Variants in RARB observed in about 807,000 individuals in gnomAD.
The protein encoded by RARB is HBV-activated protein.
A neutral mutation model predicts 51.9 loss-of-function variants in RARB; 17 were observed. That is an observed-to-expected ratio of 0.33 (90% CI 0.22 to 0.49). The LOEUF (loss-of-function observed/expected upper bound fraction) is 0.49. Among genes scored for constraint, RARB ranks in the 20% least tolerant of loss-of-function variants. RARB has a pLI of 0.99. For missense variants in RARB, 369 were observed against 550.8 expected (o/e 0.67, Z 3.30); for synonymous variants, 215 against 195.4 (o/e 1.10, Z -0.84).
intron 2 of RARB, among the ~76,000 whole-genome samples, chr3:24,975,816 A>G (rs1346550317): frequency 6.6e-6 from 1 of 152,126 alleles, no homozygotes; most frequent in Non-Finnish European, 1.5e-5. Context: ...CACGTGCACA[A>G]CGTGCAGGTT....
chr3:25,332,414 A>G (rs6792022), intron 5 of RARB, among the ~76,000 whole-genome samples: 15,150 of 152,236 alleles, frequency 0.1, 842 homozygotes, highest in South Asian at 0.18. Context: ...AACAGAACCA[A>G]TGACAAAAAC....
chr3:25,502,154 G>A (rs757696673), intron 3 of RARB, among the ~76,000 whole-genome samples: 12 of 152,190 alleles, frequency 7.9e-5, no homozygotes, highest in Admixed American at 1.3e-4. Context: ...TGGTGATGGC[G>A]TGCTGTGCAC....
At chr3:25,081,602 TATATATATATATATATA>T (rs1559459462) in intron 3 of RARB, among the ~76,000 whole-genome samples, 1 of 18,570 alleles carries the variant, frequency 5.4e-5, no homozygotes, top group Non-Finnish European at 9.9e-5. Context: ...TATATATATA[TATATATATATATATATA>T]TATTTTTTTT....
Position 25,202,055 on chromosome 3 carries a change from G to T in RARB, c.178+27480G>T, listed in dbSNP as rs184732116. Among the ~76,000 whole-genome samples, 691 of 152,258 alleles carry T rather than the reference G, an allele frequency of 4.5e-3. 8 individuals are homozygous for T. Among genetic ancestry groups the T allele is most frequent in the African/African-American group, 0.016 (647 of 41,542 alleles). ...CCTGGTGGAATTCAGCTGTGAATCT[G>T]TCTGGTCCTGGACTTTTTTTGGTTG... On this transcript the variant is annotated intron_variant, in intron 5 of 11. Coordinates refer to the RARB transcript ENST00000383772.
intron 5 of RARB, among the ~76,000 whole-genome samples, chr3:25,293,912 G>A (rs1703853024): frequency 6.6e-6 from 1 of 152,128 alleles, no homozygotes; most frequent in Admixed American, 6.6e-5. Context: ...TCGTAACTGG[G>A]AGTGGCTACT....
intron 5 of RARB, among the ~76,000 whole-genome samples, chr3:25,210,570 C>G (rs1310596266): frequency 6.9e-5 from 3 of 43,682 alleles, no homozygotes; most frequent in Non-Finnish European, 1.1e-4. Context: ...GAGTCTCACT[C>G]TGTTGCCCAG....
chr3:25,090,439 C>T (rs975424722), intron 3 of RARB, among the ~76,000 whole-genome samples: 11 of 152,192 alleles, frequency 7.2e-5, no homozygotes, highest in African/African-American at 2.6e-4. Flanking sequence ...CAATATATAA[C>T]TTCCAAACTT....
rs191838467 is a variant in RARB, at chr3:25,369,504, T to C, written c.179-91689T>C. On this transcript the variant is annotated intron_variant, in intron 5 of 11. Transcript: ENST00000383772. ...AGTGGGTACCTTCATTCCAGTCCCA[T>C]GGCAAAGAAATATTTGGCAGTATTT... 2.5e-3 allele frequency among the ~76,000 whole-genome samples: 380 copies of C among 152,334 alleles called. 8 individuals carry two copies. The highest frequency in any genetic ancestry group is 7.5e-4 in the Non-Finnish European group (51 of 68,034).
At chr3:25,207,985 C>A (rs1160941341) in intron 5 of RARB, among the ~76,000 whole-genome samples, 1 of 151,200 alleles carries the variant, frequency 6.6e-6, no homozygotes, top group Non-Finnish European at 1.5e-5. Flanking sequence ...CAGGAGCAAG[C>A]ATGTCACATG....
chr3:25,241,835 G>T (rs1290844539), intron 5 of RARB, among the ~76,000 whole-genome samples: 1 of 152,194 alleles, frequency 6.6e-6, no homozygotes, highest in African/African-American at 2.4e-5. Flanking sequence ...CCAGTAATGG[G>T]ATTGCTAGGT....
intron 4 of RARB, among the ~76,000 whole-genome samples, chr3:25,171,643 T>TAAAAAAAGA (rs1700648105): frequency 2.2e-5 from 1 of 45,462 alleles, no homozygotes; most frequent in African/African-American, 8.2e-5. Flanking sequence ...CCCTGGTTGG[T>TAAAAAAAGA]AAAAAAAAAA....
intron 5 of RARB, among the ~76,000 whole-genome samples, chr3:25,205,228 C>T (rs896342315): frequency 1.3e-5 from 2 of 152,286 alleles, no homozygotes; most frequent in African/African-American, 2.4e-5. Context: ...CTGAGCCAGG[C>T]GCGGGATATA....
At chr3:24,913,527 CTTAT>C (rs1363597710) in intron 2 of RARB, among the ~76,000 whole-genome samples, 2 of 150,046 alleles carry the variant, frequency 1.3e-5, no homozygotes, top group African/African-American at 2.4e-5. Flanking sequence ...TGTGTGTTAA[CTTAT>C]TTCTGTAACA....
At chr3:25,451,104 AAAAC>A (rs930095275) in intron 1 of RARB, among the ~76,000 whole-genome samples, 1 of 152,202 alleles carries the variant, frequency 6.6e-6, no homozygotes, top group African/African-American at 2.4e-5. Context: ...TCTCAGAAAA[AAAAC>A]AAAAAAAACC....
At chr3:25,076,031 G>C (rs1486346145) in intron 3 of RARB, among the ~76,000 whole-genome samples, 1 of 152,020 alleles carries the variant, frequency 6.6e-6, no homozygotes, top group Non-Finnish European at 1.5e-5. Flanking sequence ...TTATTGCTTT[G>C]CAATCTCAAA....
chr3:25,262,130 A>C (rs1211609188), intron 5 of RARB, among the ~76,000 whole-genome samples: 1 of 152,178 alleles, frequency 6.6e-6, no homozygotes, highest in Non-Finnish European at 1.5e-5. Flanking sequence ...CTGTCTATGC[A>C]GTCTCATTTT....
At chr3:25,175,965 T>C (rs1046306186) in intron 5 of RARB, among the ~76,000 whole-genome samples, 2 of 152,212 alleles carry the variant, frequency 1.3e-5, no homozygotes, top group East Asian at 1.9e-4. Flanking sequence ...TCACTCAATA[T>C]GCAAATGATA....
At chr3:25,521,926 T>TAG (rs1698417549) in intron 3 of RARB, among the ~76,000 whole-genome samples, 1 of 152,144 alleles carries the variant, frequency 6.6e-6, no homozygotes, top group South Asian at 2.1e-4. Context: ...CCAAATACAG[T>TAG]AGAGAGAGAG....
At position 25,301,593 on chromosome 3, in the gene RARB, G is replaced by A. The variant is rs117869936; in HGVS notation, c.178+127018G>A. On this transcript the variant is annotated intron_variant, in intron 5 of 11. Coordinates refer to the RARB transcript ENST00000383772. ...GCATTTTGTATGGAGGTGGGCCTGGGTGTTGATTCTGGCAGGTGTTCCATC... is the reference window on the plus strand; with the variant it reads ...GCATTTTGTATGGAGGTGGGCCTGGATGTTGATTCTGGCAGGTGTTCCATC... 2.8e-3 allele frequency among the ~76,000 whole-genome samples: 423 copies of A among 152,236 alleles called. 6 individuals are homozygous for A. The East Asian group carries it at 0.034, about 12-fold the overall frequency.
Sources: allele counts gnomAD v4.1 joint callset (sites outside exome capture counted in the v4.1 genomes callset), GRCh38; gene constraint gnomAD v4.1.1; transcripts MANE v1.5; gene names NCBI Gene and HGNC (gene_info 2026-07-23, HGNC 2026-07-21).